The following MGMT variants were observed in gnomAD, a reference collection of about 807,000 sequenced individuals.
MGMT encodes methylated-DNA--protein-cysteine methyltransferase.
A neutral mutation model predicts 15.9 loss-of-function variants in MGMT; 14 were observed. That is an observed-to-expected ratio of 0.88 (90% CI 0.58 to 1.37). The LOEUF is 1.37. Among genes scored for constraint, MGMT ranks in the 40% most tolerant of loss-of-function variants. MGMT has a pLI of 0.00. For synonymous variants in MGMT, 130 were observed against 118.2 expected, an observed-to-expected ratio of 1.10 and a Z score of -0.65; for missense variants, 282 against 268.1, an observed-to-expected ratio of 1.05 and a Z score of -0.36.
chr10:129,505,351 G>A (rs1361280924), intron 1 of MGMT, among the ~76,000 whole-genome samples: 1 of 152,104 alleles, frequency 6.6e-6, no homozygotes, highest in East Asian at 1.9e-4. Flanking sequence ...TTATGATTAG[G>A]CTAGTGTGAA....
chr10:129,605,880 C>A (rs887038262), intron 2 of MGMT, among the ~76,000 whole-genome samples: 1 of 150,222 alleles, frequency 6.7e-6, no homozygotes, highest in Non-Finnish European at 1.5e-5. Flanking sequence ...CATTCAAGAA[C>A]GGTGATTTTT....
At chr10:129,494,130 T>G (rs573810955) in intron 1 of MGMT, among the ~76,000 whole-genome samples, 35 of 152,360 alleles carry the variant, frequency 2.3e-4, no homozygotes, top group African/African-American at 8.4e-4. Flanking sequence ...TAATATAGTG[T>G]TTTGAGAAGT....
chr10:129,719,662 G>T (rs1379779223), intron 3 of MGMT, among the ~76,000 whole-genome samples: 4 of 152,132 alleles, frequency 2.6e-5, no homozygotes, highest in Admixed American at 2.6e-4. Context: ...AGTCAGATGG[G>T]ATTAGGGCTA....
chr10:129,492,550 A>G (rs918000633), intron 1 of MGMT, among the ~76,000 whole-genome samples: 5 of 152,150 alleles, frequency 3.3e-5, no homozygotes, highest in African/African-American at 1.2e-4. Context: ...AATTGATTGC[A>G]CTTTTGGGGT....
At chr10:129,684,067 A>G (rs957166860) in intron 2 of MGMT, among the ~76,000 whole-genome samples, 2 of 152,192 alleles carry the variant, frequency 1.3e-5, no homozygotes, top group Non-Finnish European at 2.9e-5. Context: ...TTGCTGAAAT[A>G]TGCATGTTTT....
chr10:129,603,818 TCA>T (rs1846853470), intron 2 of MGMT, among the ~76,000 whole-genome samples: 1 of 152,188 alleles, frequency 6.6e-6, no homozygotes, highest in Non-Finnish European at 1.5e-5. Flanking sequence ...TTGAAAATAA[TCA>T]GTTATTTTTA....
At chr10:129,514,214 G>C (rs901815226) in intron 1 of MGMT, among the ~76,000 whole-genome samples, 1 of 151,404 alleles carries the variant, frequency 6.6e-6, no homozygotes, top group Non-Finnish European at 1.5e-5. Flanking sequence ...CCTCGTGATA[G>C]TGAGAATATA....
chr10:129,625,928 TACC>T lies in MGMT; in HGVS notation c.126-81962_126-81960del, dbSNP rs369981095. Among the ~76,000 whole-genome samples the T allele has an allele frequency of 2.8e-3, 433 of 152,356 alleles. 2 individuals carry two copies. The highest frequency in any genetic ancestry group is 9.9e-3 in the African/African-American group (411 of 41,594). On this transcript the variant is annotated intron_variant, in intron 2 of 4. Transcript: ENST00000651593. The stretch of plus-strand genomic sequence containing the variant: ...TTGATATTTGCAGTTCTTTTCAACT[TACC>T]ACCAATATTTTAGTCTTGATTAGAA...
At chr10:129,598,797 C>A (rs535435377) in intron 2 of MGMT, among the ~76,000 whole-genome samples, 5 of 152,284 alleles carry the variant, frequency 3.3e-5, no homozygotes, top group East Asian at 1.9e-4. Context: ...GCCCACACCC[C>A]CTCCTGGGCT....
intron 2 of MGMT, among the ~76,000 whole-genome samples, chr10:129,654,689 C>T (rs984424878): frequency 1.3e-5 from 2 of 151,936 alleles, no homozygotes; most frequent in African/African-American, 4.8e-5. Flanking sequence ...GTGTGCAAGC[C>T]TCTTGAGGTA....
intron 2 of MGMT, among the ~76,000 whole-genome samples, chr10:129,593,707 A>G (rs772994636): frequency 5.3e-5 from 8 of 152,186 alleles, no homozygotes; most frequent in Non-Finnish European, 8.8e-5. Context: ...GCTTTCGGGC[A>G]TGTGTGGGGA....
At chr10:129,567,393 G>A (rs1333333587) in intron 2 of MGMT, among the ~76,000 whole-genome samples, 2 of 151,970 alleles carry the variant, frequency 1.3e-5, no homozygotes, top group African/African-American at 4.8e-5. Flanking sequence ...CCCATAACTC[G>A]TTGGTGCTGG....
chr10:129,500,845 G>A (rs530062615), intron 1 of MGMT, among the ~76,000 whole-genome samples: 10 of 152,098 alleles, frequency 6.6e-5, no homozygotes, highest in Non-Finnish European at 1.2e-4. Flanking sequence ...GCCACCGCAC[G>A]CAGCCCAAAT....
intron 2 of MGMT, among the ~76,000 whole-genome samples, chr10:129,552,737 C>T (rs910999991): frequency 5.9e-5 from 9 of 152,208 alleles, no homozygotes; most frequent in Non-Finnish European, 1.2e-4. Context: ...CAGGGCCACG[C>T]GGTCCCCTTC....
chr10:129,699,245 A>G lies in MGMT; in HGVS notation c.126-8650A>G, dbSNP rs540950620. On this transcript the variant is annotated intron_variant, in intron 2 of 4. Coordinates refer to ENST00000651593, the MANE Select transcript of MGMT (RefSeq NM_002412.5). ...ACTATTTGGGTTGTCTTTTAAAAAT[A>G]TTTTCATTATTTCCTGTATTTTTAA... Among the ~76,000 whole-genome samples, 4 of 152,274 alleles carry G rather than the reference A, an allele frequency of 2.6e-5. No individual in the cohort carries two copies. The South Asian group carries it at 8.3e-4, about 32-fold the overall frequency.
chr10:129,751,559 G>C (rs1409937481), intron 3 of MGMT, among the ~76,000 whole-genome samples: 1 of 151,464 alleles, frequency 6.6e-6, no homozygotes, highest in Non-Finnish European at 1.5e-5. Context: ...TGGTTGTTTT[G>C]AGTTTATTTT....
intron 2 of MGMT, among the ~76,000 whole-genome samples, chr10:129,608,203 G>A (rs768565781): frequency 6.6e-6 from 1 of 152,208 alleles, no homozygotes; most frequent in East Asian, 1.9e-4. Flanking sequence ...GTCATAATTC[G>A]TTCTCAGATG....
intron 1 of MGMT, among the ~76,000 whole-genome samples, chr10:129,507,566 CA>C (rs1845638651): frequency 6.6e-6 from 1 of 152,148 alleles, no homozygotes; most frequent in African/African-American, 2.4e-5. Context: ...GTGAGCTCTG[CA>C]GTATGTAGGA....
chr10:129,652,889 C>G (rs1564749283), intron 2 of MGMT, among the ~76,000 whole-genome samples: 1 of 152,236 alleles, frequency 6.6e-6, no homozygotes. Flanking sequence ...TTGTTGTGTT[C>G]CTCCTGGTAG....
Sources: allele counts gnomAD v4.1 joint callset (sites outside exome capture counted in the v4.1 genomes callset), GRCh38; gene constraint gnomAD v4.1.1; transcripts MANE v1.5; gene names NCBI Gene and HGNC (gene_info 2026-07-23, HGNC 2026-07-21).